Variants in DIPK1A observed in about 807,000 individuals in gnomAD.
DIPK1A encodes family with sequence similarity 69 member A.
In DIPK1A, 27 loss-of-function variants were observed where a neutral mutation model predicts 40.8. The ratio of observed to expected loss-of-function variants is 0.66; its 90% CI spans 0.49 to 0.91. The LOEUF (loss-of-function observed/expected upper bound fraction) is 0.91. DIPK1A is among the 40% of genes least tolerant of loss of function. The pLI is 0.00. For missense variants in DIPK1A, 412 were observed against 505.7 expected (o/e 0.81, Z 1.78); for synonymous variants, 166 against 171.3 (o/e 0.97, Z 0.24).
chr1:92,922,826 C>T (rs1015961205), intron 1 of DIPK1A, among the ~76,000 whole-genome samples: 1 of 152,184 alleles, frequency 6.6e-6, no homozygotes, highest in Non-Finnish European at 1.5e-5. Context: ...TCTCTAGTCA[C>T]AACCTTTTCC....
chr1:92,865,806 C>T (rs533002789), intron 2 of DIPK1A, among the ~76,000 whole-genome samples: 1 of 152,218 alleles, frequency 6.6e-6, no homozygotes, highest in South Asian at 2.1e-4. Flanking sequence ...GAAAACATCT[C>T]AGGAAAATAA....
intron 1 of DIPK1A, among the ~76,000 whole-genome samples, chr1:92,895,700 G>T (rs1007018954): frequency 1.3e-5 from 2 of 152,106 alleles, no homozygotes; most frequent in African/African-American, 4.8e-5. Context: ...ATTAGGAAAT[G>T]AGGAAGTCAA....
downstream of DIPK1A, chr1:92,837,830 A>G (rs2100689248): frequency 3.4e-6 from 2 of 591,966 alleles, no homozygotes; most frequent in East Asian, 2.9e-5. Context: ...GCTACCTTTT[A>G]TGCTTTGGCT....
chr1:92,846,863 G>A lies in DIPK1A; in HGVS notation c.474+320C>T, dbSNP rs1272952367. ...TATATGTGTGTATATATATATGTGT[G>A]TATATATATATATATATATACACAC... On this transcript the variant is annotated intron_variant, in intron 4 of 4. Coordinates refer to ENST00000370310, the MANE Select transcript of DIPK1A (RefSeq NM_001006605.5). Among the ~76,000 whole-genome samples, 16 of 1,610 alleles carry A rather than the reference G, an allele frequency of 9.9e-3. 5 individuals are homozygous for A. The highest frequency in any genetic ancestry group is 0.022 in the African/African-American group (4 of 186). The allele number at this position is 1,610 out of a possible 152,430, so 1.1% of individuals were successfully genotyped here. A position where few individuals can be genotyped will look rare whatever the true frequency, so the allele number is the denominator to read the frequency against.
At chr1:92,884,380 G>A (rs1197272830) in intron 1 of DIPK1A, among the ~76,000 whole-genome samples, 2 of 152,010 alleles carry the variant, frequency 1.3e-5, no homozygotes, top group African/African-American at 2.4e-5. Flanking sequence ...TTAAGCCCAG[G>A]AGTTCAAGGC....
downstream of DIPK1A, among the ~76,000 whole-genome samples, chr1:92,840,028 A>G (rs999179452): frequency 6.7e-4 from 94 of 141,296 alleles, 1 homozygote; most frequent in African/African-American, 2.3e-3. Context: ...TTTTTTTTTA[A>G]TTTTTGGTAG....
At chr1:92,855,648 G>C (rs186104907) in intron 2 of DIPK1A, among the ~76,000 whole-genome samples, 1 of 150,980 alleles carries the variant, frequency 6.6e-6, no homozygotes, top group Non-Finnish European at 1.5e-5. Context: ...AGGCTGCCAC[G>C]ATCATGCCAT....
chr1:92,852,198 A>C (rs1284798880), intron 2 of DIPK1A, among the ~76,000 whole-genome samples: 1 of 152,196 alleles, frequency 6.6e-6, no homozygotes, highest in East Asian at 1.9e-4. Context: ...AGCAAATGTC[A>C]GATAAAAAAA....
Position 92,842,887 on chromosome 1 carries a change from C to G in DIPK1A, c.*496G>C. The G allele has an allele frequency of 2.0e-6, 2 of 986,720 alleles. No homozygotes were observed. Among genetic ancestry groups the G allele is most frequent in the Non-Finnish European group, 2.4e-6 (2 of 830,862 alleles). 61.1% of individuals were successfully genotyped at this position (986,720 alleles called of 1,614,324 possible). ...TAAGTCTTTAATACAGTAAACCATG[C>G]TATTAACCCAACATCTGTTTTATAA... is the stretch of plus-strand genomic sequence containing the variant. On this transcript the variant is annotated 3_prime_UTR_variant, in exon 5 of 5. Transcript: ENST00000370310.
intron 1 of DIPK1A, among the ~76,000 whole-genome samples, chr1:92,883,963 A>G (rs777876360): frequency 2.1e-4 from 32 of 152,182 alleles, no homozygotes; most frequent in Admixed American, 7.9e-4. Context: ...AGCCATTCTA[A>G]TTAAGGGTTC....
At chr1:92,837,721 T>C, downstream of DIPK1A, 12 of 1,061,342 alleles carry the variant, frequency 1.1e-5, no homozygotes, top group South Asian at 1.6e-4. Flanking sequence ...CATTCTTATA[T>C]AGGTGTGTTT....
At chr1:92,893,330 A>T (rs948082587) in intron 1 of DIPK1A, among the ~76,000 whole-genome samples, 5 of 151,838 alleles carry the variant, frequency 3.3e-5, no homozygotes, top group Non-Finnish European at 7.4e-5. Flanking sequence ...AAGCCAGAAG[A>T]GAGTGGGGGC....
exon 5 of DIPK1A, chr1:92,833,024 C>T (rs748961192): frequency 1.2e-5 from 9 of 741,234 alleles, no homozygotes; most frequent in East Asian, 2.5e-5. Flanking sequence ...GCACAATTAC[C>T]GGTGCTGGTC....
intron 2 of DIPK1A, among the ~76,000 whole-genome samples, chr1:92,858,290 GTTTATAT>G (rs1688055163): frequency 1.3e-5 from 2 of 152,132 alleles, no homozygotes; most frequent in South Asian, 4.1e-4. Flanking sequence ...CATCTTGGGA[GTTTATAT>G]TTCTTTCCTG....
At chr1:92,867,399 C>T (rs1223702560) in intron 2 of DIPK1A, among the ~76,000 whole-genome samples, 1 of 151,936 alleles carries the variant, frequency 6.6e-6, no homozygotes, top group Non-Finnish European at 1.5e-5. Context: ...ATGGATGGGA[C>T]CCTTCACACA....
chr1:92,842,110 T>C (rs535890391), downstream of DIPK1A: 353 of 821,972 alleles, frequency 4.3e-4, no homozygotes, highest in Non-Finnish European at 5.2e-4. Context: ...TTATGTTGTA[T>C]GATGAACAGC....
chr1:92,940,990 G>A (rs1422880783), intron 1 of DIPK1A, among the ~76,000 whole-genome samples: 1 of 150,658 alleles, frequency 6.6e-6, no homozygotes, highest in African/African-American at 2.4e-5. Flanking sequence ...AGTTTTGAGA[G>A]TTCTTTGTAT....
intron 2 of DIPK1A, among the ~76,000 whole-genome samples, chr1:92,868,672 C>T (rs1030754647): frequency 6.6e-6 from 1 of 151,918 alleles, no homozygotes; most frequent in African/African-American, 2.4e-5. Context: ...ACAATAAGAA[C>T]GTAAGCTCCT....
At chr1:92,835,641 CA>C (rs1687089188) in intron 4 of DIPK1A, among the ~76,000 whole-genome samples, 1 of 107,238 alleles carries the variant, frequency 9.3e-6, no homozygotes, top group Non-Finnish European at 1.8e-5. Context: ...GCCTGGGCAA[CA>C]AGAGCGAAAC....
Sources: gnomAD v4.1 joint callset for allele counts (sites outside exome capture counted in the v4.1 genomes callset) on GRCh38, gnomAD v4.1.1 for gene constraint, MANE v1.5 for transcripts, NCBI Gene and HGNC (gene_info 2026-07-23, HGNC 2026-07-21) for gene names.